The following KIAA1217 variants were observed in gnomAD, a reference collection of about 807,000 sequenced individuals.
The protein encoded by KIAA1217 is sickle tail protein homolog.
KIAA1217 carries 88 observed loss-of-function variants against 163.9 expected under a neutral mutation model. The observed-to-expected ratio is 0.54, with a 90% CI of 0.45 to 0.64. The LOEUF is 0.64. KIAA1217 is among the 30% of genes least tolerant of loss of function. KIAA1217 has a pLI of 0.00. For missense variants in KIAA1217, 2,372 were observed against 2,475.0 expected, an observed-to-expected ratio of 0.96 and a Z score of 0.88; for synonymous variants, 903 against 923.1, an observed-to-expected ratio of 0.98 and a Z score of 0.39.
chr10:24,373,399 C>T (rs1173221614), intron 2 of KIAA1217, among the ~76,000 whole-genome samples: 2 of 152,156 alleles, frequency 1.3e-5, no homozygotes, highest in Non-Finnish European at 2.9e-5. Flanking sequence ...TTCCAGATAC[C>T]TTTACCTTCT....
chr10:24,455,281 A>G (rs2061681273), intron 5 of KIAA1217, among the ~76,000 whole-genome samples: 1 of 152,220 alleles, frequency 6.6e-6, no homozygotes, highest in African/African-American at 2.4e-5. Flanking sequence ...ATGTACTCAT[A>G]TACATAGAGT....
chr10:24,348,976 C>T (rs1229489677), intron 2 of KIAA1217, among the ~76,000 whole-genome samples: 2 of 151,904 alleles, frequency 1.3e-5, no homozygotes, highest in East Asian at 3.9e-4. Context: ...GTGAGAATCC[C>T]ATTTTTCTAC....
chr10:24,449,140 C>T (rs1426434962), intron 5 of KIAA1217, among the ~76,000 whole-genome samples: 1 of 152,160 alleles, frequency 6.6e-6, no homozygotes, highest in African/African-American at 2.4e-5. Flanking sequence ...GCTAGGCAAA[C>T]ACATTTGAAT....
intron 1 of KIAA1217, among the ~76,000 whole-genome samples, chr10:23,732,244 A>C (rs531949578): frequency 6.6e-6 from 1 of 152,202 alleles, no homozygotes; most frequent in African/African-American, 2.4e-5. Flanking sequence ...GAGATTAATA[A>C]ATATTGATTC....
At chr10:24,255,768 G>A (rs2075088835) in intron 2 of KIAA1217, among the ~76,000 whole-genome samples, 1 of 152,180 alleles carries the variant, frequency 6.6e-6, no homozygotes, top group African/African-American at 2.4e-5. Flanking sequence ...TTTCTTTCAA[G>A]TGAAATTATG....
intron 2 of KIAA1217, among the ~76,000 whole-genome samples, chr10:24,296,797 A>AGCTTGC (rs2040670694): frequency 6.6e-6 from 1 of 152,216 alleles, no homozygotes; most frequent in Admixed American, 6.5e-5. Flanking sequence ...ATAGAGAGAA[A>AGCTTGC]GCTTGCTAAT....
chr10:24,042,592 C>T (rs1848694381), intron 2 of KIAA1217: 1 of 152,178 alleles, frequency 6.6e-6, no homozygotes, highest in Non-Finnish European at 1.5e-5. Flanking sequence ...ACTTTCATGG[C>T]TTCAAAACTT....
At chr10:24,276,824 G>A (rs1457913098) in intron 2 of KIAA1217, among the ~76,000 whole-genome samples, 2 of 151,896 alleles carry the variant, frequency 1.3e-5, no homozygotes, top group Admixed American at 1.3e-4. Context: ...TGGCCAGGCT[G>A]GTCTGGAACT....
chr10:24,047,415 A>G (rs986825511), intron 2 of KIAA1217, among the ~76,000 whole-genome samples: 3 of 152,180 alleles, frequency 2.0e-5, no homozygotes, highest in Admixed American at 6.5e-5. Flanking sequence ...AAGAATAATA[A>G]TATGTGGTTT....
chr10:23,867,038 C>T (rs1840223944), intron 1 of KIAA1217, among the ~76,000 whole-genome samples: 1 of 143,104 alleles, frequency 7.0e-6, no homozygotes, highest in Non-Finnish European at 1.5e-5. Context: ...TGTGATGTTC[C>T]CCTTCCTGTG....
intron 3 of KIAA1217, among the ~76,000 whole-genome samples, chr10:24,395,761 C>A: frequency 6.6e-6 from 1 of 152,100 alleles, no homozygotes; most frequent in Non-Finnish European, 1.5e-5. Context: ...GCCTCAATCT[C>A]CTGGGCTCAA....
intron 3 of KIAA1217, among the ~76,000 whole-genome samples, chr10:24,385,446 C>T (rs1021036339): frequency 6.6e-6 from 1 of 152,144 alleles, no homozygotes; most frequent in Non-Finnish European, 1.5e-5. Context: ...CGGGTGCTGT[C>T]CTGGGATGCA....
chr10:23,872,086 C>G (rs570643845), intron 1 of KIAA1217, among the ~76,000 whole-genome samples: 1 of 152,038 alleles, frequency 6.6e-6, no homozygotes, highest in South Asian at 2.1e-4. Flanking sequence ...GGAAAAAACA[C>G]TCCGCTCCCC....
intron 2 of KIAA1217, among the ~76,000 whole-genome samples, chr10:24,075,904 T>G (rs1200560841): frequency 6.6e-6 from 1 of 152,070 alleles, no homozygotes; most frequent in African/African-American, 2.4e-5. Flanking sequence ...ACTCCCAGCC[T>G]TAATCTATTT....
rs569092807 is a variant in KIAA1217 at position 24,229,009 on chromosome 10, G to T, written c.354+9100G>T. On this transcript the variant is annotated intron_variant, in intron 2 of 20. Coordinates refer to ENST00000376454, the MANE Select transcript of KIAA1217 (RefSeq NM_019590.5). The stretch of plus-strand genomic sequence containing the variant: ...TGCTGTATGCTGTAGATCTCAGGGA[G>T]TCAGTTTATACCTCAGGGAATAAAC... Among the ~76,000 whole-genome samples the T allele has an allele frequency of 6.6e-5, 10 of 152,188 alleles. 1 individual carries two copies. In the South Asian group the frequency reaches 2.1e-3, roughly 32 times the overall value.
intron 3 of KIAA1217, among the ~76,000 whole-genome samples, chr10:24,398,686 A>G (rs3904719): frequency 0.55 from 83,073 of 151,774 alleles, 26,278 homozygotes; most frequent in African/African-American, 0.88. Flanking sequence ...TTTCCTCTGG[A>G]TGGGCCGCCC....
intron 1 of KIAA1217, among the ~76,000 whole-genome samples, chr10:23,721,582 G>T (rs56005902): frequency 6.6e-6 from 1 of 150,864 alleles, no homozygotes; most frequent in East Asian, 1.9e-4. Flanking sequence ...CCATGTTCTC[G>T]GTGACATAAA....
rs71472811 is a variant in KIAA1217, at chr10:24,520,651, A to AATATAT, written c.2308+418_2308+423dup. 8.3e-3 allele frequency among the ~76,000 whole-genome samples: 327 copies of AATATAT among 39,600 alleles called. 6 individuals carry two copies. Among genetic ancestry groups the AATATAT allele is most frequent in the Non-Finnish European group, 0.013 (275 of 20,482 alleles). The allele number at this position is 39,600 out of a possible 152,430, so 26.0% of individuals were successfully genotyped here. A position where few individuals can be genotyped will look rare whatever the true frequency, so the allele number is the denominator to read the frequency against. On this transcript the variant is annotated intron_variant, in intron 11 of 20. Coordinates refer to ENST00000376454, the MANE Select transcript of KIAA1217 (RefSeq NM_019590.5). ...CCAAAAAAAAAAAAAAAAAAAAAAA[A>AATATAT]ATATATATATATATATATATATATA...
Position 24,544,120 on chromosome 10 carries a change from A to G in KIAA1217, c.4850A>G (p.His1617Arg). 1 of 1,614,170 alleles carries G rather than the reference A, an allele frequency of 6.2e-7. No homozygotes were observed. Among genetic ancestry groups the G allele is most frequent in the South Asian group, 1.1e-5 (1 of 91,076 alleles). The change falls in exon 19 of 21, where the codon CAC becomes CGC. Residue 1617 changes from histidine (H) to arginine (R), a missense_variant. This residue lies in a region of KIAA1217 where 690 missense variants were observed against 677.5 expected (regional missense o/e 1.02). Transcript: ENST00000376454. ...EEEEDGTLKQ[H>R]KEAKRFEIAR... ...GAAGAGGATGGCACCCTGAAACAGC[A>G]CAAAGAAGCCAAGCGCTTCGAAATC...
Sources: gnomAD v4.1 joint callset for allele counts (sites outside exome capture counted in the v4.1 genomes callset) on GRCh38, gnomAD v4.1.1 for gene constraint, gnomAD v4.1.1 regional missense constraint, MANE v1.5 for transcripts, NCBI Gene and HGNC (gene_info 2026-07-23, HGNC 2026-07-21) for gene names.